The following DNAH11 variants were observed in gnomAD, a reference collection of about 807,000 sequenced individuals.
DNAH11 encodes axonemal beta dynein heavy chain 11.
DNAH11 carries 442 observed loss-of-function variants against 526.0 expected under a neutral mutation model. The ratio of observed to expected loss-of-function variants is 0.84; its 90% CI spans 0.78 to 0.91. The LOEUF (loss-of-function observed/expected upper bound fraction) is 0.91. Among genes scored for constraint, DNAH11 ranks in the 40% least tolerant of loss-of-function variants. The pLI is 0.00. For missense variants in DNAH11, 6,989 were observed against 5,448.7 expected (o/e 1.28, Z -8.90); for synonymous variants, 2,461 against 1,935.9 (o/e 1.27, Z -7.12).
At chr7:21,794,110 A>G (rs1788602118) in intron 61 of DNAH11, among the ~76,000 whole-genome samples, 1 of 152,200 alleles carries the variant, frequency 6.6e-6, no homozygotes, top group Admixed American at 6.5e-5. Context: ...TTAAAAAATT[A>G]TTTCAATCTC....
intron 30 of DNAH11, among the ~76,000 whole-genome samples, chr7:21,665,864 T>G (rs1431918121): frequency 6.6e-6 from 1 of 152,106 alleles, no homozygotes; most frequent in African/African-American, 2.4e-5. Context: ...AAGCTAACAT[T>G]TGAATTCTGC....
At chr7:21,551,924 C>G (rs1336223323) in intron 2 of DNAH11, among the ~76,000 whole-genome samples, 1 of 152,150 alleles carries the variant, frequency 6.6e-6, no homozygotes, top group Non-Finnish European at 1.5e-5. Flanking sequence ...TTAACTATCT[C>G]CTGGCTTTTG....
At chr7:21,859,253 A>C (rs367790340) in intron 68 of DNAH11, among the ~76,000 whole-genome samples, 1 of 152,150 alleles carries the variant, frequency 6.6e-6, no homozygotes, top group Non-Finnish European at 1.5e-5. Context: ...AACTGGGACT[A>C]CAGGCACCCA....
chr7:21,653,753 GTC>G (rs1218275366), intron 28 of DNAH11, among the ~76,000 whole-genome samples: 2 of 152,184 alleles, frequency 1.3e-5, no homozygotes, highest in Non-Finnish European at 2.9e-5. Flanking sequence ...GTAAGCGAGA[GTC>G]TCAAAAACTC....
intron 44 of DNAH11, among the ~76,000 whole-genome samples, chr7:21,725,171 T>C (rs1183069581): frequency 6.6e-6 from 1 of 152,206 alleles, no homozygotes; most frequent in Non-Finnish European, 1.5e-5. Context: ...TGAAAGTTGA[T>C]CCCTATGCAG....
At chr7:21,621,955 G>T (rs1786083194) in intron 25 of DNAH11, among the ~76,000 whole-genome samples, 1 of 152,148 alleles carries the variant, frequency 6.6e-6, no homozygotes, top group South Asian at 2.1e-4. Flanking sequence ...CATAGTGTTG[G>T]AAGTTCTGAC....
chr7:21,679,405 G>A (rs1441676668), intron 30 of DNAH11, among the ~76,000 whole-genome samples: 1 of 152,186 alleles, frequency 6.6e-6, no homozygotes, highest in African/African-American at 2.4e-5. Context: ...CTTAAAAGAT[G>A]TGTGAGCTGA....
chr7:21,701,927 C>A (rs543439675), intron 36 of DNAH11, among the ~76,000 whole-genome samples: 3 of 150,330 alleles, frequency 2.0e-5, no homozygotes, highest in South Asian at 2.1e-4. Flanking sequence ...TGTAGCTGGA[C>A]GGTGAAAGAG....
chr7:21,632,885 G>C lies in DNAH11; in HGVS notation c.4501-2986G>C, dbSNP rs1786681994. Among the ~76,000 whole-genome samples the C allele has an allele frequency of 3.3e-5, 5 of 152,136 alleles. No individual in the cohort carries two copies. In the South Asian group the frequency reaches 1.0e-3, roughly 31 times the overall value. ...CCCACCCTATTGGTACCAATTTACTGAATTAGTTCATTTTCATGCTGCTGA... is the reference window on the plus strand; with the variant it reads ...CCCACCCTATTGGTACCAATTTACTCAATTAGTTCATTTTCATGCTGCTGA... On this transcript the variant is annotated intron_variant, in intron 25 of 81. Coordinates refer to ENST00000409508, the MANE Select transcript of DNAH11 (RefSeq NM_001277115.2).
intron 69 of DNAH11, among the ~76,000 whole-genome samples, chr7:21,862,697 C>G (rs1268065125): frequency 6.6e-6 from 1 of 152,100 alleles, no homozygotes; most frequent in Non-Finnish European, 1.5e-5. Flanking sequence ...AAAGAGAGCT[C>G]CAGGTTTCTT....
chr7:21,861,992 A>G lies in DNAH11; in HGVS notation c.11342A>G (p.Lys3781Arg). 1.2e-6 allele frequency: 2 copies of G among 1,613,446 alleles called. No homozygotes were observed. Among genetic ancestry groups the G allele is most frequent in the Non-Finnish European group, 1.7e-6 (2 of 1,179,660 alleles). ...AGCCAGGCGCTGTTTGAGAAGGACA[A>G]GCTCACCTTCCTGTCCCAGATGGCT... ...YTSQALFEKD[K>R]LTFLSQMAFQ... The change falls in exon 69 of 82, where the codon AAG (lysine) becomes AGG (arginine). Residue 3781 changes from lysine (K) to arginine (R), a missense_variant. Transcript: ENST00000409508.
At chr7:21,900,442 T>TTTTTGCTTTTCA in intron 81 of DNAH11, among the ~76,000 whole-genome samples, 2 of 101,864 alleles carry the variant, frequency 2.0e-5, no homozygotes, top group African/African-American at 3.0e-5. Context: ...ATCTTTCTTC[T>TTTTTGCTTTTCA]ATTGTTTAAA....
chr7:21,799,915 GT>G (rs2127992762), intron 61 of DNAH11, among the ~76,000 whole-genome samples: 1 of 152,236 alleles, frequency 6.6e-6, no homozygotes, highest in Non-Finnish European at 1.5e-5. Flanking sequence ...ATCTTATTAG[GT>G]TTCTTGGAAC....
rs553285631 is a variant in DNAH11, at chr7:21,590,374, T to A, written c.2170-544T>A. ...TAAGGGGCAAGCTTATAAGAATATC[T>A]ATTTGTAATTTCCATGACAAAACAC... is the stretch of plus-strand genomic sequence containing the variant. On this transcript the variant is annotated intron_variant, in intron 12 of 81. Transcript: ENST00000409508. Among the ~76,000 whole-genome samples the A allele has an allele frequency of 3.9e-5, 6 of 152,342 alleles. No individual in the cohort carries two copies. In the South Asian group the frequency reaches 1.2e-3, roughly 32 times the overall value.
chr7:21,818,621 A>G (rs1306325199), intron 65 of DNAH11, among the ~76,000 whole-genome samples: 1 of 152,102 alleles, frequency 6.6e-6, no homozygotes, highest in Non-Finnish European at 1.5e-5. Context: ...AATTTATACC[A>G]ATGTTTCTCT....
intron 14 of DNAH11, among the ~76,000 whole-genome samples, chr7:21,594,134 A>T (rs1433011095): frequency 1.3e-5 from 2 of 151,214 alleles, no homozygotes; most frequent in Non-Finnish European, 3.0e-5. Context: ...AGTGTGGGGT[A>T]GGGAAAGTGT....
At chr7:21,579,677 A>G (rs1784236897) in intron 8 of DNAH11, among the ~76,000 whole-genome samples, 1 of 152,224 alleles carries the variant, frequency 6.6e-6, no homozygotes. Flanking sequence ...TATGCAGTAG[A>G]TTATGCTAAG....
chr7:21,883,405 C>T (rs1784006251), intron 75 of DNAH11, among the ~76,000 whole-genome samples: 1 of 152,172 alleles, frequency 6.6e-6, no homozygotes, highest in Admixed American at 6.6e-5. Context: ...ACAGTGATTT[C>T]TTGAATAAAA....
chr7:21,835,290 C>T (rs1386982681), intron 65 of DNAH11, among the ~76,000 whole-genome samples: 4 of 148,454 alleles, frequency 2.7e-5, no homozygotes, highest in Non-Finnish European at 4.4e-5. Flanking sequence ...CACCCTGATA[C>T]TAAAACCAGA....
Sources: allele counts gnomAD v4.1 joint callset (sites outside exome capture counted in the v4.1 genomes callset), GRCh38; gene constraint gnomAD v4.1.1; transcripts MANE v1.5; gene names NCBI Gene and HGNC (gene_info 2026-07-23, HGNC 2026-07-21).